Variants in ARHGAP24 observed in about 807,000 individuals in gnomAD.
The protein encoded by ARHGAP24 is rho GTPase-activating protein 24.
In ARHGAP24, 50 loss-of-function variants were observed where a neutral mutation model predicts 76.4. The observed-to-expected ratio is 0.65, with a 90% confidence interval of 0.52 to 0.83. The LOEUF is 0.83. Ranked by LOEUF, ARHGAP24 falls within the 40% of genes least tolerant of loss-of-function variation. ARHGAP24 has a pLI of 0.00. For synonymous variants in ARHGAP24, 345 were observed against 323.3 expected (o/e 1.07, Z -0.72); for missense variants, 930 against 914.2 (o/e 1.02, Z -0.22).
At chr4:85,703,027 T>G (rs1364707699) in intron 2 of ARHGAP24, among the ~76,000 whole-genome samples, 7 of 149,668 alleles carry the variant, frequency 4.7e-5, no homozygotes, top group Non-Finnish European at 8.9e-5. Context: ...TGGGAAAGAA[T>G]AGAGAAGAGA....
chr4:85,685,562 G>A (rs1723387636), intron 2 of ARHGAP24, among the ~76,000 whole-genome samples: 1 of 151,680 alleles, frequency 6.6e-6, no homozygotes. Context: ...GAACCCAGGA[G>A]GTGGAGTTTG....
intron 2 of ARHGAP24, among the ~76,000 whole-genome samples, chr4:85,712,512 T>C (rs188369125): frequency 1.3e-4 from 20 of 152,270 alleles, no homozygotes; most frequent in African/African-American, 4.6e-4. Context: ...ACATTTATTA[T>C]CTCCTAGATA....
intron 5 of ARHGAP24, among the ~76,000 whole-genome samples, chr4:85,954,942 G>A (rs188533986): frequency 0.012 from 1,761 of 152,270 alleles, 38 homozygotes; most frequent in African/African-American, 0.04. Flanking sequence ...CCCAGGAGGC[G>A]GAGGTTGCGG....
At chr4:85,729,800 T>A (rs989799551) in intron 3 of ARHGAP24, among the ~76,000 whole-genome samples, 3 of 152,164 alleles carry the variant, frequency 2.0e-5, no homozygotes, top group African/African-American at 7.2e-5. Flanking sequence ...TTCTCAAATA[T>A]CAGAAATATT....
chr4:85,972,514 A>G lies in ARHGAP24; in HGVS notation c.732+346A>G, dbSNP rs1168070682. On this transcript the variant is annotated intron_variant, in intron 6 of 9. Coordinates refer to ENST00000395184, the MANE Select transcript of ARHGAP24 (RefSeq NM_001025616.3). ...ATCGTGTGGACCCAAACCACTTCAA[A>G]TAGTGGCTTCTATACAAAATCCTAC... 5 of 295,078 alleles carry G rather than the reference A, an allele frequency of 1.7e-5. No individual in the cohort carries two copies. The East Asian group carries it at 3.2e-4, about 19-fold the overall frequency. The allele number at this position is 295,078 out of a possible 1,614,324, so 18.3% of individuals were successfully genotyped here. A position where few individuals can be genotyped will look rare whatever the true frequency, so the allele number is the denominator to read the frequency against.
At chr4:85,532,697 T>C (rs1201655078) in intron 1 of ARHGAP24, among the ~76,000 whole-genome samples, 1 of 152,218 alleles carries the variant, frequency 6.6e-6, no homozygotes, top group Non-Finnish European at 1.5e-5. Context: ...TAGTTGTTTT[T>C]ACCAGTTTAT....
intron 1 of ARHGAP24, among the ~76,000 whole-genome samples, chr4:85,510,903 C>G (rs532829261): frequency 4.2e-4 from 63 of 150,718 alleles, no homozygotes; most frequent in Middle Eastern, 6.8e-3. Context: ...ACCCATGCCT[C>G]TGCTCTGGTA....
chr4:85,545,142 C>A (rs1254045447), intron 1 of ARHGAP24, among the ~76,000 whole-genome samples: 1 of 151,828 alleles, frequency 6.6e-6, no homozygotes, highest in Non-Finnish European at 1.5e-5. Context: ...ACTTGTCGCC[C>A]AGGCTGGAAT....
At chr4:85,962,672 T>C (rs1395130746) in intron 5 of ARHGAP24, among the ~76,000 whole-genome samples, 1 of 151,872 alleles carries the variant, frequency 6.6e-6, no homozygotes, top group Non-Finnish European at 1.5e-5. Context: ...TGTTATACTT[T>C]GTGAATTTAG....
intron 1 of ARHGAP24, among the ~76,000 whole-genome samples, chr4:85,541,317 C>G (rs1393233831): frequency 1.5e-5 from 2 of 137,516 alleles, no homozygotes; most frequent in Non-Finnish European, 3.0e-5. Context: ...CTACGCCCGG[C>G]TAATTTTTTG....
At chr4:85,499,322 ATCTC>A (rs769615654) in intron 1 of ARHGAP24, among the ~76,000 whole-genome samples, 1 of 152,226 alleles carries the variant, frequency 6.6e-6, no homozygotes, top group Non-Finnish European at 1.5e-5. Context: ...TTTATAAACA[ATCTC>A]TCTATTTGAT....
intron 3 of ARHGAP24, among the ~76,000 whole-genome samples, chr4:85,810,723 T>C (rs1235944138): frequency 1.3e-5 from 2 of 152,222 alleles, no homozygotes; most frequent in East Asian, 3.8e-4. Context: ...ATCAGCATTT[T>C]ATCCTCTGAA....
chr4:85,715,237 T>C (rs2110037828), intron 2 of ARHGAP24, among the ~76,000 whole-genome samples: 3 of 152,230 alleles, frequency 2.0e-5, no homozygotes, highest in Admixed American at 2.0e-4. Context: ...GCAAACACGA[T>C]AGTAAAAACT....
chr4:85,643,234 GTTTTTTT>G lies in ARHGAP24; in HGVS notation c.180+72542_180+72548del, dbSNP rs70948741. The stretch of plus-strand genomic sequence containing the variant: ...TCTTTTTTATTTTCCGTTTTTTTGT[GTTTTTTT>G]TTTTTTTTTTTTTTTTTTTTTTTTT... On this transcript the variant is annotated intron_variant, in intron 2 of 9. Transcript: ENST00000395184. Among the ~76,000 whole-genome samples the G allele has an allele frequency of 2.7e-3, 150 of 54,610 alleles. 18 individuals carry two copies. The highest frequency in any genetic ancestry group is 8.6e-3 in the African/African-American group (145 of 16,924). 35.8% of individuals were successfully genotyped at this position (54,610 alleles called of 152,430 possible). A position where few individuals can be genotyped will look rare whatever the true frequency, so the allele number is the denominator to read the frequency against.
intron 3 of ARHGAP24, among the ~76,000 whole-genome samples, chr4:85,746,326 A>G (rs957302261): frequency 6.6e-6 from 1 of 152,206 alleles, no homozygotes; most frequent in Admixed American, 6.5e-5. Flanking sequence ...TCTTTTGAGT[A>G]TCTGACTGAT....
intron 2 of ARHGAP24, among the ~76,000 whole-genome samples, chr4:85,625,917 T>C (rs1227656241): frequency 6.6e-6 from 1 of 152,192 alleles, no homozygotes; most frequent in African/African-American, 2.4e-5. Flanking sequence ...GTTTTCTATT[T>C]GCTTGGTAGA....
chr4:85,957,081 T>A (rs753122172), intron 5 of ARHGAP24, among the ~76,000 whole-genome samples: 10 of 152,202 alleles, frequency 6.6e-5, no homozygotes, highest in Non-Finnish European at 1.3e-4. Context: ...ATTGGTCAGG[T>A]GTGAGCTAAG....
chr4:85,661,089 G>C (rs1388750398), intron 2 of ARHGAP24, among the ~76,000 whole-genome samples: 2 of 152,150 alleles, frequency 1.3e-5, no homozygotes, highest in Non-Finnish European at 2.9e-5. Flanking sequence ...ACTTAGAAAA[G>C]TCATTAGGAA....
chr4:85,898,386 AACTAG>A (rs1394739237), intron 3 of ARHGAP24, among the ~76,000 whole-genome samples: 1 of 152,068 alleles, frequency 6.6e-6, no homozygotes, highest in Non-Finnish European at 1.5e-5. Context: ...TTCATGCCTA[AACTAG>A]GGTGCATACA....
Sources: gnomAD v4.1 joint callset for allele counts (sites outside exome capture counted in the v4.1 genomes callset) on GRCh38, gnomAD v4.1.1 for gene constraint, MANE v1.5 for transcripts, NCBI Gene and HGNC (gene_info 2026-07-23, HGNC 2026-07-21) for gene names.